Variants in RTN4 observed in about 807,000 individuals in gnomAD.
RTN4 encodes reticulon 4, also known as reticulon-4.
A neutral mutation model predicts 90.4 loss-of-function variants in RTN4; 32 were observed. The ratio of observed to expected loss-of-function variants is 0.35; its 90% CI spans 0.27 to 0.48. The LOEUF (loss-of-function observed/expected upper bound fraction) is 0.48, where lower values mean the gene tolerates loss of function less well. RTN4 is among the 20% of genes least tolerant of loss of function. The pLI is 0.99. For synonymous variants in RTN4, 629 were observed against 552.5 expected, an observed-to-expected ratio of 1.14 and a Z score of -1.94; for missense variants, 1,706 against 1,430.2, an observed-to-expected ratio of 1.19 and a Z score of -3.11.
intron 2 of RTN4, among the ~76,000 whole-genome samples, chr2:55,057,618 G>T (rs1416907626): frequency 6.6e-6 from 1 of 152,170 alleles, no homozygotes; most frequent in Non-Finnish European, 1.5e-5. Context: ...TTTTTGAGCA[G>T]AAGAACTTGA....
chr2:54,972,860 C>T lies in RTN4; in HGVS notation c.*296G>A. On this transcript the variant is annotated 3_prime_UTR_variant, in exon 9 of 9. Coordinates refer to ENST00000337526, the MANE Select transcript of RTN4 (RefSeq NM_020532.5). ...TGCCAAGATGCGGCAAGACTATCTG[C>T]AACAAAGTAAAATATACAGGTTTTT... is the stretch of plus-strand genomic sequence containing the variant. 3.6e-6 allele frequency: 1 copy of T among 279,616 alleles called. No homozygotes were observed. Among genetic ancestry groups the T allele is most frequent in the East Asian group, 6.0e-5 (1 of 16,586 alleles). The allele number at this position is 279,616 out of a possible 1,614,324, so 17.3% of individuals were successfully genotyped here. A position where few individuals can be genotyped will look rare whatever the true frequency, so the allele number is the denominator to read the frequency against.
chr2:55,006,550 T>A (rs1680240574), intron 3 of RTN4, among the ~76,000 whole-genome samples: 1 of 152,128 alleles, frequency 6.6e-6, no homozygotes, highest in African/African-American at 2.4e-5. Flanking sequence ...GCAGAAATGG[T>A]CCAAAACTAG....
intron 2 of RTN4, among the ~76,000 whole-genome samples, chr2:55,057,336 G>A (rs1668207593): frequency 6.9e-6 from 1 of 145,762 alleles, no homozygotes; most frequent in South Asian, 2.2e-4. Context: ...AGGCATAGAA[G>A]GTACAGAAAA....
At chr2:55,101,627 T>G (rs545092146) in intron 1 of RTN4, among the ~76,000 whole-genome samples, 1 of 152,146 alleles carries the variant, frequency 6.6e-6, no homozygotes, top group Non-Finnish European at 1.5e-5. Context: ...TGCTACATAG[T>G]CTGTGCCAGG....
At chr2:55,003,716 T>C (rs1189768308) in intron 3 of RTN4, among the ~76,000 whole-genome samples, 3 of 152,232 alleles carry the variant, frequency 2.0e-5, no homozygotes, top group East Asian at 3.8e-4. Flanking sequence ...GCTAGACCTA[T>C]GATGACTGCA....
intron 6 of RTN4, chr2:54,974,068 T>C: frequency 1.9e-6 from 1 of 513,854 alleles, no homozygotes; most frequent in Non-Finnish European, 3.5e-6. Context: ...GCTGCAGTTA[T>C]TAGAGCTAGG....
intron 3 of RTN4, among the ~76,000 whole-genome samples, chr2:54,988,259 G>A (rs967568933): frequency 2.0e-5 from 3 of 152,206 alleles, no homozygotes; most frequent in African/African-American, 7.2e-5. Context: ...AGAGGTTGCA[G>A]TGAGCCGAGA....
At chr2:55,006,744 C>G (rs1249200887) in intron 3 of RTN4, among the ~76,000 whole-genome samples, 1 of 152,120 alleles carries the variant, frequency 6.6e-6, no homozygotes, top group Non-Finnish European at 1.5e-5. Flanking sequence ...CCATTTCTCA[C>G]TCATATTAAC....
intron 1 of RTN4, among the ~76,000 whole-genome samples, chr2:55,086,046 A>T (rs575844513): frequency 5.3e-5 from 8 of 152,366 alleles, no homozygotes; most frequent in Middle Eastern, 3.4e-3. Flanking sequence ...ACATTTCTTC[A>T]TCAGATAGAG....
chr2:55,091,044 C>T (rs958657349), intron 1 of RTN4, among the ~76,000 whole-genome samples: 5 of 152,216 alleles, frequency 3.3e-5, no homozygotes, highest in African/African-American at 1.2e-4. Flanking sequence ...CAACTGAACT[C>T]CCAGTTTTGC....
intron 1 of RTN4, among the ~76,000 whole-genome samples, chr2:55,095,981 G>A (rs1269292766): frequency 6.6e-6 from 1 of 152,154 alleles, no homozygotes. Flanking sequence ...GTGGTTATGG[G>A]TTATTGGGAG....
chr2:55,080,126 C>A (rs1216766550), intron 2 of RTN4, among the ~76,000 whole-genome samples: 1 of 152,116 alleles, frequency 6.6e-6, no homozygotes, highest in African/African-American at 2.4e-5. Context: ...AAATGATCCT[C>A]CCACCTCAGC....
intron 2 of RTN4, among the ~76,000 whole-genome samples, chr2:55,075,983 A>G (rs1198866652): frequency 6.6e-6 from 1 of 152,224 alleles, no homozygotes; most frequent in Non-Finnish European, 1.5e-5. Context: ...CAAAAATTAT[A>G]GAACAAACTT....
intron 3 of RTN4, among the ~76,000 whole-genome samples, chr2:55,010,747 T>C (rs1276168238): frequency 1.3e-5 from 2 of 152,126 alleles, no homozygotes; most frequent in Non-Finnish European, 2.9e-5. Flanking sequence ...AAACAGAAAA[T>C]AAAAGTCAAA....
At chr2:55,036,599 C>CAAAA (rs71410411) in intron 1 of RTN4, among the ~76,000 whole-genome samples, 3 of 72,986 alleles carry the variant, frequency 4.1e-5, no homozygotes, top group African/African-American at 5.3e-5. Context: ...AAGACTGTCT[C>CAAAA]AAAAAAAAAA....
chr2:55,049,422 G>A (rs1667966067), intron 1 of RTN4: 3 of 383,498 alleles, frequency 7.8e-6, no homozygotes, highest in African/African-American at 2.1e-5. Flanking sequence ...CTGGCTCTCG[G>A]GTATATACCC....
At chr2:55,060,017 A>G (rs1668262361) in intron 2 of RTN4, among the ~76,000 whole-genome samples, 1 of 152,068 alleles carries the variant, frequency 6.6e-6, no homozygotes, top group South Asian at 2.1e-4. Flanking sequence ...CAAGGGGGAA[A>G]CTCTCCTGGA....
intron 3 of RTN4, among the ~76,000 whole-genome samples, chr2:55,006,095 C>G (rs148946835): frequency 6.6e-6 from 1 of 152,184 alleles, no homozygotes; most frequent in African/African-American, 2.4e-5. Context: ...AGGAAAAAGA[C>G]TACAGAATAA....
chr2:55,108,595 G>A (rs1466757929), intron 1 of RTN4, among the ~76,000 whole-genome samples: 3 of 152,042 alleles, frequency 2.0e-5, no homozygotes, highest in African/African-American at 7.3e-5. Context: ...TGGGGGAAGA[G>A]GGGTAATAAA....
Sources: allele counts gnomAD v4.1 joint callset (sites outside exome capture counted in the v4.1 genomes callset), GRCh38; gene constraint gnomAD v4.1.1; transcripts MANE v1.5; gene names NCBI Gene and HGNC (gene_info 2026-07-23, HGNC 2026-07-21).